The following TNRC6B variants were observed in gnomAD, a reference collection of about 807,000 sequenced individuals.
TNRC6B encodes trinucleotide repeat-containing gene 6B protein.
In TNRC6B, 52 loss-of-function variants were observed where a neutral mutation model predicts 203.6. That is an observed-to-expected ratio of 0.26 (90% CI 0.20 to 0.32). The LOEUF is 0.32. Among genes scored for constraint, TNRC6B ranks in the 10% least tolerant of loss-of-function variants. The pLI is 1.00. For synonymous variants in TNRC6B, 838 were observed against 845.7 expected, an observed-to-expected ratio of 0.99 and a Z score of 0.16; for missense variants, 1,923 against 2,286.2, an observed-to-expected ratio of 0.84 and a Z score of 3.24.
At chr22:40,277,195 A>G (rs1004365237) in intron 8 of TNRC6B, 44 bp downstream of exon 8, 16 of 1,459,186 alleles carry the variant, frequency 1.1e-5, no homozygotes, top group Non-Finnish European at 1.4e-5. Context: ...CCCAACTTTT[A>G]GGTTTAATAT....
chr22:40,325,647 C>T lies in TNRC6B; in HGVS notation c.*2406C>T, dbSNP rs911135733. The T allele has an allele frequency of 6.5e-6, 1 of 152,736 alleles. No individual in the cohort carries two copies. Among genetic ancestry groups the T allele is most frequent in the African/African-American group, 2.4e-5 (1 of 41,464 alleles). The allele number at this position is 152,736 out of a possible 1,614,324, so 9.5% of individuals were successfully genotyped here. On this transcript the variant is annotated 3_prime_UTR_variant, in exon 23 of 23. Transcript: ENST00000454349. ...CTTCCAGCAGCCCCCACTGACCGCT[C>T]TCTGTGTGGAGCAAAGTGCTGTCGT...
At chr22:40,226,993 T>G (rs1229112723) in intron 1 of TNRC6B, among the ~76,000 whole-genome samples, 2 of 151,956 alleles carry the variant, frequency 1.3e-5, no homozygotes, top group African/African-American at 4.8e-5. Context: ...CATTGCAGCC[T>G]CCACCTCCTG....
chr22:40,266,349 T>A lies in TNRC6B; in HGVS notation c.2119T>A (p.Ser707Thr). 3 of 1,609,508 alleles carry A rather than the reference T, an allele frequency of 1.9e-6. No homozygotes were observed. In the African/African-American group the frequency reaches 4.0e-5, roughly 21 times the overall value. The change falls in exon 5 of 23, where the codon TCC becomes ACC. Residue 707 changes from serine (S) to threonine (T), a missense_variant. By Grantham distance (58) the Ser-to-Thr change is moderately conservative (BLOSUM62 1). Coordinates refer to ENST00000454349, the MANE Select transcript of TNRC6B (RefSeq NM_001162501.2). ...GAATGACTACAAGAACAACAACTCT[T>A]CCAACTGGGGAGGAGGACGACCTGA... ...GWNDYKNNNS[S>T]NWGGGRPDEK...
At chr22:40,075,156 A>T (rs371203913) in intron 1 of TNRC6B, among the ~76,000 whole-genome samples, 1,027 of 35,600 alleles carry the variant, frequency 0.029, 62 homozygotes, top group Non-Finnish European at 0.036. Context: ...ATATATATAT[A>T]TTTTTTTTTT....
At chr22:40,161,788 C>A (rs1028894760) in intron 4 of TNRC6B, among the ~76,000 whole-genome samples, 4 of 152,118 alleles carry the variant, frequency 2.6e-5, no homozygotes, top group Admixed American at 2.6e-4. Context: ...AATCATTTTT[C>A]TGGGATATTG....
At chr22:40,164,807 G>A (rs1328479053) in intron 4 of TNRC6B, among the ~76,000 whole-genome samples, 6 of 134,554 alleles carry the variant, frequency 4.5e-5, no homozygotes, top group East Asian at 2.1e-4. Context: ...CTGAAATAGC[G>A]TCTCACTCTG....
At chr22:40,087,210 T>C (rs778606820) in intron 1 of TNRC6B, among the ~76,000 whole-genome samples, 5 of 152,260 alleles carry the variant, frequency 3.3e-5, no homozygotes, top group Non-Finnish European at 7.3e-5. Context: ...AATGATTGTA[T>C]ATTTAAATTA....
At chr22:40,127,793 C>A (rs1333779175) in intron 3 of TNRC6B, among the ~76,000 whole-genome samples, 1 of 152,066 alleles carries the variant, frequency 6.6e-6, no homozygotes, top group Non-Finnish European at 1.5e-5. Context: ...TCATTTGTAC[C>A]CAGGGCTGTT....
At chr22:40,224,250 C>G (rs1163579766) in intron 1 of TNRC6B, among the ~76,000 whole-genome samples, 1 of 152,160 alleles carries the variant, frequency 6.6e-6, no homozygotes, top group African/African-American at 2.4e-5. Flanking sequence ...GGTAATGTGC[C>G]TGTCTCAGCC....
intron 1 of TNRC6B, among the ~76,000 whole-genome samples, chr22:40,064,342 G>A (rs1328619176): frequency 6.6e-6 from 1 of 150,904 alleles, no homozygotes; most frequent in Non-Finnish European, 1.5e-5. Context: ...ATGATCTTCA[G>A]TCATTTGCCA....
chr22:40,256,676 G>T (rs568562824), intron 3 of TNRC6B, among the ~76,000 whole-genome samples: 1 of 152,288 alleles, frequency 6.6e-6, no homozygotes, highest in African/African-American at 2.4e-5. Context: ...TTGTGATGAA[G>T]ACCATATGGC....
In TNRC6B at chr22:40,273,587, A is replaced by G; in HGVS notation, c.3128A>G (p.Lys1043Arg). 1 of 1,577,962 alleles carries G rather than the reference A, an allele frequency of 6.3e-7. No individual in the cohort carries two copies. Among genetic ancestry groups the G allele is most frequent in the Non-Finnish European group, 8.6e-7 (1 of 1,161,776 alleles). The change falls in exon 7 of 23, where the codon AAG becomes AGG. Residue 1043 changes from lysine to arginine, a missense_variant. Lys to Arg is a conservative substitution (Grantham distance 26). Around this residue, in one of 8 missense-constraint regions of TNRC6B, gnomAD observed 599 missense variants for 656.5 expected, o/e 0.91. Coordinates refer to ENST00000454349, the MANE Select transcript of TNRC6B (RefSeq NM_001162501.2). ...TCAGCAAGCTGGGGACAAGGAGGAA[A>G]GAAACAAATGAAGGTAGCCTGCTTA... ...HNSASWGQGG[K>R]KQMKCSLKGG...
intron 4 of TNRC6B, among the ~76,000 whole-genome samples, chr22:40,170,898 T>C (rs1211464883): frequency 7.1e-6 from 1 of 141,148 alleles, no homozygotes; most frequent in Non-Finnish European, 1.5e-5. Context: ...CATATATACC[T>C]ATATATGTGC....
intron 18 of TNRC6B, 35 bp from the exon 19 acceptor site, chr22:40,312,867 C>G (rs772629970): frequency 6.4e-7 from 1 of 1,573,110 alleles, no homozygotes; most frequent in Middle Eastern, 1.7e-4. Flanking sequence ...TGACATTTAT[C>G]TTCAGTATTT....
In TNRC6B at chr22:40,185,017, A is replaced by G. The variant is rs150710684; in HGVS notation, c.5+6877A>G. Among the ~76,000 whole-genome samples, 764 of 152,182 alleles carry G rather than the reference A, an allele frequency of 5.0e-3. 8 individuals carry two copies. The highest frequency in any genetic ancestry group is 0.017 in the African/African-American group (700 of 41,526). On this transcript the variant is annotated intron_variant, in intron 1 of 22. Coordinates refer to ENST00000454349, the MANE Select transcript of TNRC6B (RefSeq NM_001162501.2). ...CAAATTTTTTTTTGTTCTTTTTGAG[A>G]CGGAGTCTTGCTCGCCAGGCTGGAG... is the stretch of plus-strand genomic sequence containing the variant.
chr22:40,322,830 C>G, intron 22 of TNRC6B, 24 bp from the exon 23 acceptor site: 1 of 1,613,160 alleles, frequency 6.2e-7, no homozygotes, highest in Non-Finnish European at 8.5e-7. Context: ...AGATCCATAG[C>G]TCTCTTTCCC....
chr22:40,060,087 C>T (rs1223544710), intron 1 of TNRC6B, among the ~76,000 whole-genome samples: 2 of 151,010 alleles, frequency 1.3e-5, no homozygotes, highest in African/African-American at 2.4e-5. Context: ...CCTCGACCTC[C>T]CAAAAGTGCT....
intron 3 of TNRC6B, among the ~76,000 whole-genome samples, chr22:40,151,354 A>C (rs911469326): frequency 2.6e-5 from 4 of 152,026 alleles, no homozygotes; most frequent in Admixed American, 1.3e-4. Flanking sequence ...ACTTGAGGTC[A>C]GGAGTTTGAG....
intron 1 of TNRC6B, among the ~76,000 whole-genome samples, chr22:40,079,198 C>A (rs139928722): frequency 1.3e-5 from 2 of 152,152 alleles, no homozygotes; most frequent in African/African-American, 4.8e-5. Flanking sequence ...CAGGCATGAG[C>A]CACCGTGCCC....
Sources: allele counts gnomAD v4.1 joint callset (sites outside exome capture counted in the v4.1 genomes callset), GRCh38; gene constraint gnomAD v4.1.1; regional missense constraint gnomAD v4.1.1; transcripts MANE v1.5; gene names NCBI Gene and HGNC (gene_info 2026-07-23, HGNC 2026-07-21).